PLEKHM3: variants seen among roughly 807,000 people sequenced by gnomAD.
PLEKHM3 encodes the protein pleckstrin homology domain-containing family M member 3.
A neutral mutation model predicts 81.8 loss-of-function variants in PLEKHM3; 45 were observed. The ratio of observed to expected loss-of-function variants is 0.55; its 90% confidence interval spans 0.43 to 0.71. The LOEUF (loss-of-function observed/expected upper bound fraction) is 0.71, where lower values mean the gene tolerates loss of function less well. Among genes scored for constraint, PLEKHM3 ranks in the 30% least tolerant of loss-of-function variants. The pLI is 0.00. For synonymous variants in PLEKHM3, 352 were observed against 356.4 expected (o/e 0.99, Z 0.14); for missense variants, 788 against 924.3 (o/e 0.85, Z 1.91).
At chr2:207,882,047 A>G (rs139804875) in intron 6 of PLEKHM3, among the ~76,000 whole-genome samples, 161 of 152,336 alleles carry the variant, frequency 1.1e-3, no homozygotes, top group African/African-American at 3.6e-3. Context: ...CTATGATTAA[A>G]TCACATTTTT....
At chr2:208,022,738 T>C (rs1283094321) in intron 1 of PLEKHM3, among the ~76,000 whole-genome samples, 1 of 152,222 alleles carries the variant, frequency 6.6e-6, no homozygotes, top group Non-Finnish European at 1.5e-5. Flanking sequence ...TTGTATGGGC[T>C]CCTGTGATTA....
At chr2:207,848,177 C>T (rs1289492173) in intron 7 of PLEKHM3, among the ~76,000 whole-genome samples, 1 of 152,226 alleles carries the variant, frequency 6.6e-6, no homozygotes, top group African/African-American at 2.4e-5. Flanking sequence ...AGCTTCTGGG[C>T]AGTGCTTCTC....
chr2:207,885,718 GTTGA>G, intron 6 of PLEKHM3, among the ~76,000 whole-genome samples: 1 of 152,152 alleles, frequency 6.6e-6, no homozygotes, highest in Admixed American at 6.5e-5. Flanking sequence ...AAGTATTCCA[GTTGA>G]TTGATTGCTC....
intron 3 of PLEKHM3, among the ~76,000 whole-genome samples, chr2:207,964,495 G>A (rs1249929390): frequency 1.3e-5 from 2 of 152,158 alleles, no homozygotes; most frequent in African/African-American, 4.8e-5. Flanking sequence ...CCATGAGAGT[G>A]GAGGGAGGGA....
intron 2 of PLEKHM3, among the ~76,000 whole-genome samples, chr2:207,986,512 G>C (rs981559869): frequency 6.6e-6 from 1 of 152,132 alleles, no homozygotes; most frequent in East Asian, 1.9e-4. Context: ...TCAAAGACAA[G>C]GAAGCAAAGC....
rs187592027 is a variant in PLEKHM3, at chr2:207,962,196, A to G, written c.1546+14455T>C. On this transcript the variant is annotated intron_variant, in intron 3 of 7. Coordinates refer to ENST00000427836, the MANE Select transcript of PLEKHM3 (RefSeq NM_001080475.3). ...ACATGATTAGAGGGTTGGGACTTTGAGCCAGCCTGACCTCCAGGAAGGGGA... is the reference window on the plus strand; with the variant it reads ...ACATGATTAGAGGGTTGGGACTTTGGGCCAGCCTGACCTCCAGGAAGGGGA... Among the ~76,000 whole-genome samples, 362 of 152,282 alleles carry G rather than the reference A, an allele frequency of 2.4e-3. 2 individuals are homozygous for G. The highest frequency in any genetic ancestry group is 3.0e-3 in the Non-Finnish European group (204 of 68,032).
intron 5 of PLEKHM3, chr2:207,930,036 G>A (rs1689535416): frequency 1.7e-6 from 1 of 573,908 alleles, no homozygotes; most frequent in Admixed American, 2.9e-5. Flanking sequence ...TGCCAAGGGT[G>A]AGACTTTAAA....
intron 5 of PLEKHM3, among the ~76,000 whole-genome samples, chr2:207,909,337 C>T (rs564897219): frequency 6.6e-6 from 1 of 152,018 alleles, no homozygotes; most frequent in South Asian, 2.1e-4. Context: ...TGGAAAACAA[C>T]ACACACACAA....
intron 5 of PLEKHM3, among the ~76,000 whole-genome samples, chr2:207,912,176 C>T (rs1476941880): frequency 6.6e-6 from 1 of 152,204 alleles, no homozygotes; most frequent in Admixed American, 6.5e-5. Context: ...CTTCTTGCTT[C>T]CAAACACTAT....
In PLEKHM3 at chr2:207,946,459, T is replaced by C. The variant is rs1261168906; in HGVS notation, c.1600A>G (p.Ser534Gly). Residue 534 changes from serine (S) to glycine (G), a missense_variant, in exon 4 of 8, where the codon AGT (serine) becomes GGT (glycine). Physicochemically the swap from Ser to Gly is moderately conservative, Grantham distance 56 (BLOSUM62 0). Transcript: ENST00000427836. ...SNGKAKVCNY[S>G]GWYYCSSCHV... is the part of the protein sequence containing the mutation. The stretch of plus-strand genomic sequence containing the variant: ...CAGCTACTGCAGTAATACCACCCAC[T>C]GTAGTTGCACACCTTGGCTTTCCCA... 26 of 1,614,038 alleles carry C rather than the reference T, an allele frequency of 1.6e-5. No homozygotes were observed. The highest frequency in any genetic ancestry group is 2.2e-5 in the Non-Finnish European group (26 of 1,180,012).
At position 207,868,175 on chromosome 2, in the gene PLEKHM3, T is replaced by C. The variant is rs535933959; in HGVS notation, c.1951-6913A>G. Among the ~76,000 whole-genome samples the C allele has an allele frequency of 1.8e-3, 269 of 152,174 alleles. 2 individuals carry two copies. Among genetic ancestry groups the C allele is most frequent in the Middle Eastern group, 0.014 (4 of 294 alleles). On this transcript the variant is annotated intron_variant, in intron 6 of 7. Coordinates refer to ENST00000427836, the MANE Select transcript of PLEKHM3 (RefSeq NM_001080475.3). Reference sequence around the variant, plus strand: ...TAGAAACAGTGTGCTCTGGCTAGAGTTGATGCAGGGGAATCTACTATCACT... The same window carrying C: ...TAGAAACAGTGTGCTCTGGCTAGAGCTGATGCAGGGGAATCTACTATCACT...
At chr2:207,977,737 C>A in intron 2 of PLEKHM3, 151 bp from the exon 3 acceptor site, 1 of 692,806 alleles carries the variant, frequency 1.4e-6, no homozygotes, top group Non-Finnish European at 2.3e-6. Context: ...GTAGTAGAAT[C>A]CCACGATGGT....
chr2:207,936,139 A>C (rs1316936020), intron 4 of PLEKHM3, among the ~76,000 whole-genome samples: 1 of 152,066 alleles, frequency 6.6e-6, no homozygotes, highest in African/African-American at 2.4e-5. Flanking sequence ...TGTGCATGAC[A>C]CAAGGCCTGG....
chr2:207,948,298 T>G (rs1029605168), intron 3 of PLEKHM3, among the ~76,000 whole-genome samples: 1 of 151,010 alleles, frequency 6.6e-6, no homozygotes, highest in East Asian at 1.9e-4. Flanking sequence ...TAAATTATCA[T>G]GCCTTTTTAT....
intron 3 of PLEKHM3, among the ~76,000 whole-genome samples, chr2:207,962,806 T>C (rs1398587128): frequency 6.6e-6 from 1 of 152,046 alleles, no homozygotes; most frequent in Non-Finnish European, 1.5e-5. Flanking sequence ...TTGTACCTTA[T>C]ATCTGAGGAA....
intron 4 of PLEKHM3, among the ~76,000 whole-genome samples, chr2:207,942,443 T>C (rs746786317): frequency 6.0e-5 from 9 of 150,818 alleles, no homozygotes; most frequent in East Asian, 2.0e-4. Context: ...GCCCAGGAGG[T>C]CAAGGCTGCA....
At chr2:208,012,888 A>G (rs937031009) in intron 1 of PLEKHM3, among the ~76,000 whole-genome samples, 1 of 152,250 alleles carries the variant, frequency 6.6e-6, no homozygotes, top group African/African-American at 2.4e-5. Flanking sequence ...TCACATAACC[A>G]TTTATCCTCA....
intron 6 of PLEKHM3, chr2:207,901,091 C>T (rs1199986862): frequency 1.7e-6 from 1 of 597,040 alleles, no homozygotes; most frequent in African/African-American, 1.9e-5. Context: ...CTCGAGTTGG[C>T]TCCTGGAATC....
At chr2:207,945,293 G>A (rs371407268) in intron 4 of PLEKHM3, among the ~76,000 whole-genome samples, 6 of 152,186 alleles carry the variant, frequency 3.9e-5, no homozygotes, top group African/African-American at 7.2e-5. Context: ...GAGGGTCCCC[G>A]TGCTCACTTT....
Sources: allele counts gnomAD v4.1 joint callset (sites outside exome capture counted in the v4.1 genomes callset), GRCh38; gene constraint gnomAD v4.1.1; transcripts MANE v1.5; gene names NCBI Gene and HGNC (gene_info 2026-07-23, HGNC 2026-07-21).